The following VWF variants were observed in gnomAD, a reference collection of about 807,000 sequenced individuals.
The protein encoded by VWF is Factor VIII related antigen.
VWF carries 176 observed loss-of-function variants against 308.6 expected under a neutral mutation model. The ratio of observed to expected loss-of-function variants is 0.57; its 90% CI spans 0.50 to 0.65. The LOEUF is 0.65. VWF is among the 30% of genes least tolerant of loss of function. The pLI is 0.00. For synonymous variants in VWF, 1,385 were observed against 1,443.4 expected (o/e 0.96, Z 0.92); for missense variants, 3,146 against 3,648.2 (o/e 0.86, Z 3.55).
chr12:5,966,275 A>G (rs1296608938), intron 47 of VWF, among the ~76,000 whole-genome samples: 1 of 76,394 alleles, frequency 1.3e-5, no homozygotes, highest in Non-Finnish European at 2.4e-5. Flanking sequence ...TTGTTACACA[A>G]TACACACACA....
At chr12:6,109,037 A>G (rs76344025) in intron 5 of VWF, among the ~76,000 whole-genome samples, 2,654 of 152,136 alleles carry the variant, frequency 0.017, 72 homozygotes, top group African/African-American at 0.059. Flanking sequence ...ATAGGTTCAG[A>G]AAGAGCTCAA....
At position 6,052,584 on chromosome 12, in the gene VWF, G is replaced by T; in HGVS notation, c.2145C>A (p.Ile715=). The T allele has an allele frequency of 6.2e-7, 1 of 1,614,258 alleles. No individual in the cohort carries two copies. The highest frequency in any genetic ancestry group is 8.5e-7 in the Non-Finnish European group (1 of 1,180,050). ...AQCPCYYDGE[I]FQPEDIFSDH... is the part of the protein sequence containing the mutation. ...CTGAGAAGATGTCTTCTGGCTGGAA[G>T]ATCTCACCGTCATAGTAACAGGGGC... is the stretch of plus-strand genomic sequence containing the variant. Residue 715 remains isoleucine (I), a synonymous_variant, in exon 16 of 52, where the codon ATC becomes ATA. Transcript: ENST00000261405.
At chr12:6,040,691 T>C (rs1320392883) in intron 18 of VWF, among the ~76,000 whole-genome samples, 1 of 152,208 alleles carries the variant, frequency 6.6e-6, no homozygotes, top group Non-Finnish European at 1.5e-5. Flanking sequence ...TTTATCACGG[T>C]GCGGACCACT....
At chr12:5,973,862 C>G (rs1288008344) in intron 43 of VWF, among the ~76,000 whole-genome samples, 1 of 152,180 alleles carries the variant, frequency 6.6e-6, no homozygotes, top group Non-Finnish European at 1.5e-5. Flanking sequence ...TGGAAAATCC[C>G]CTCAAAGGCT....
chr12:5,958,580 C>T (rs1943276430), intron 47 of VWF, among the ~76,000 whole-genome samples: 1 of 151,978 alleles, frequency 6.6e-6, no homozygotes, highest in Admixed American at 6.6e-5. Flanking sequence ...TCTCAGCTAC[C>T]TGGAAGGCTG....
chr12:5,993,687 A>G (rs1005246678), intron 37 of VWF, among the ~76,000 whole-genome samples, 175 bp downstream of exon 37: 1 of 150,838 alleles, frequency 6.6e-6, no homozygotes, highest in Non-Finnish European at 1.5e-5. Flanking sequence ...ATATACATAT[A>G]TGTATATGTA....
chr12:6,021,950 T>C lies in VWF; in HGVS notation c.3624A>G (p.Ser1208=), dbSNP rs1944133762. ...VCEVAGRRFA[S]GKKVTLNPSD... is the part of the protein sequence containing the mutation. ...TGGGATTCAAGGTGACTTTCTTTCCTGAGGCAAAACGCCGGCCAGCCACCT... is the reference window on the plus strand; with the variant it reads ...TGGGATTCAAGGTGACTTTCTTTCCCGAGGCAAAACGCCGGCCAGCCACCT... Residue 1208 remains serine (S), a synonymous_variant, in exon 27 of 52, where the codon TCA becomes TCG. Coordinates refer to ENST00000261405, the MANE Select transcript of VWF (RefSeq NM_000552.5). 2 of 1,614,170 alleles carry C rather than the reference T, an allele frequency of 1.2e-6. No individual in the cohort carries two copies. The highest frequency in any genetic ancestry group is 1.7e-6 in the Non-Finnish European group (2 of 1,180,026).
chr12:6,080,867 T>TC (rs1178226333), intron 6 of VWF, among the ~76,000 whole-genome samples: 1 of 152,124 alleles, frequency 6.6e-6, no homozygotes, highest in Non-Finnish European at 1.5e-5. Flanking sequence ...TTTCTCTCAC[T>TC]CCCCCTAGGT....
intron 31 of VWF, among the ~76,000 whole-genome samples, chr12:6,015,763 C>A (rs1037736680): frequency 3.3e-5 from 5 of 152,184 alleles, no homozygotes; most frequent in Admixed American, 1.3e-4. Context: ...TCAGACATGA[C>A]ATTTTAGTAA....
At chr12:6,108,306 AAAAGAAAG>A (rs1166540721) in intron 5 of VWF, among the ~76,000 whole-genome samples, 9 of 142,552 alleles carry the variant, frequency 6.3e-5, no homozygotes, top group Non-Finnish European at 1.1e-4. Context: ...AAAAAAAAAA[AAAAGAAAG>A]AAAGAAAGAA....
At position 5,953,246 on chromosome 12, in the gene VWF, C is replaced by A. The variant is rs115403899; in HGVS notation, c.7986+250G>T. ...ATCTCAAGAAAGAAAAAAAAAAGAT[C>A]AATCAACTCCAAATTGTGAGGCCCT... is the stretch of plus-strand genomic sequence containing the variant. On this transcript the variant is annotated intron_variant, in intron 48 of 51. Coordinates refer to ENST00000261405, the MANE Select transcript of VWF (RefSeq NM_000552.5). 6.0e-3 allele frequency among the ~76,000 whole-genome samples: 919 copies of A among 151,994 alleles called. 8 individuals carry two copies. Among genetic ancestry groups the A allele is most frequent in the African/African-American group, 0.02 (844 of 41,470 alleles).
rs1944616823 is a variant in VWF at position 6,058,435 on chromosome 12, C to T, written c.1534-391G>A. Reference sequence around the variant, plus strand: ...GAAGCACTCTGCCCTCTGTGCCATCCACACCAGTGGGCCTGACCCCCCCAC... The same window carrying T: ...GAAGCACTCTGCCCTCTGTGCCATCTACACCAGTGGGCCTGACCCCCCCAC... On this transcript the variant is annotated intron_variant, in intron 13 of 51. Coordinates refer to ENST00000261405, the MANE Select transcript of VWF (RefSeq NM_000552.5). This position sits in a 1 kb window ranked among gnomAD's most constrained non-coding sequence, Gnocchi z 4.9. Among the ~76,000 whole-genome samples, 1 of 152,174 alleles carries T rather than the reference C, an allele frequency of 6.6e-6. No homozygotes were observed. Among genetic ancestry groups the T allele is most frequent in the African/African-American group, 2.4e-5 (1 of 41,440 alleles).
chr12:6,124,199 A>G (rs1339219625), intron 1 of VWF, among the ~76,000 whole-genome samples: 3 of 152,172 alleles, frequency 2.0e-5, no homozygotes, highest in Non-Finnish European at 2.9e-5. Flanking sequence ...GTGAAGTACT[A>G]TCAAACAGTA....
chr12:6,111,634 C>G (rs566113669), intron 3 of VWF, among the ~76,000 whole-genome samples: 1 of 152,162 alleles, frequency 6.6e-6, no homozygotes, highest in Non-Finnish European at 1.5e-5. Flanking sequence ...TGAGCCACCC[C>G]GCTCTGGCCT....
In VWF at chr12:5,977,508, C is replaced by T. The variant is rs565391443; in HGVS notation, c.7288-1248G>A. ...ATATAATTCATAATATGCTTCCTTT[C>T]TATGAGAAATGGGAAGAAATATACA... is the stretch of plus-strand genomic sequence containing the variant. On this transcript the variant is annotated intron_variant, in intron 42 of 51. Transcript: ENST00000261405. Among the ~76,000 whole-genome samples the T allele has an allele frequency of 3.9e-5, 6 of 152,204 alleles. No individual in the cohort carries two copies. In the East Asian group the frequency reaches 1.2e-3, roughly 29 times the overall value.
chr12:6,055,251 G>C (rs550721636), intron 15 of VWF, among the ~76,000 whole-genome samples: 1 of 152,214 alleles, frequency 6.6e-6, no homozygotes, highest in Admixed American at 6.5e-5. Context: ...GAAATCCTGC[G>C]GATGCTGCCA....
rs778924759 is a variant in VWF, at chr12:6,011,777, G to A, written c.5682C>T (p.Thr1894=). 3.5e-5 allele frequency: 57 copies of A among 1,611,782 alleles called. No homozygotes were observed. The Admixed American group carries it at 9.0e-4, about 25-fold the overall frequency. ...TCACGGTGTGGCACTGGTCTGGCAA[G>A]GTCCAGACGTCCCCGGGCTGCAGAA... is the stretch of plus-strand genomic sequence containing the variant. ...GNEKRPGDVW[T]LPDQCHTVTC... The change falls in exon 34 of 52, where the codon ACC becomes ACT. Residue 1894 remains threonine, a synonymous_variant. Coordinates refer to ENST00000261405, the MANE Select transcript of VWF (RefSeq NM_000552.5).
intron 47 of VWF, among the ~76,000 whole-genome samples, chr12:5,959,354 A>G (rs76173102): frequency 0.03 from 4,636 of 152,348 alleles, 182 homozygotes; most frequent in African/African-American, 0.093. Context: ...AGGGAGAAAT[A>G]GGCTAATCCA....
chr12:6,029,343 T>G lies in VWF; in HGVS notation c.2966A>C (p.Gln989Pro). Residue 989 changes from glutamine (Q) to proline (P), a missense_variant and splice_region_variant, in exon 22 of 52, where the codon CAG (glutamine) becomes CCG (proline). By Grantham distance (76) the Gln-to-Pro change is moderately conservative. Around this residue, in one of 3 missense-constraint regions of VWF, gnomAD observed 1,304 missense variants for 1,353.0 expected, o/e 0.96. Coordinates refer to ENST00000261405, the MANE Select transcript of VWF (RefSeq NM_000552.5). ...AGATGAAGCAAGAAAGCCACTGACC[T>G]GGTATGTCTGCTTCAGGACCACGGA... ...SISVVLKQTY[Q>P]EKVCGLCGNF... is the part of the protein sequence containing the mutation. The G allele has an allele frequency of 1.9e-6, 3 of 1,613,982 alleles. No individual in the cohort carries two copies. Among genetic ancestry groups the G allele is most frequent in the Non-Finnish European group, 1.7e-6 (2 of 1,180,000 alleles).
Sources: gnomAD v4.1 joint callset for allele counts (sites outside exome capture counted in the v4.1 genomes callset) on GRCh38, gnomAD v4.1.1 for gene constraint, gnomAD v4.1.1 regional missense constraint, Gnocchi (gnomAD v3.1) non-coding constraint, MANE v1.5 for transcripts, NCBI Gene and HGNC (gene_info 2026-07-23, HGNC 2026-07-21) for gene names.